Variants in SP7 observed in about 807,000 individuals in gnomAD.
SP7 encodes Sp7 transcription factor.
In SP7, 13 loss-of-function variants were observed where a neutral mutation model predicts 27.9. That is an observed-to-expected ratio of 0.47 (90% CI 0.30 to 0.74). The LOEUF (loss-of-function observed/expected upper bound fraction) is 0.74, where lower values mean the gene tolerates loss of function less well. SP7 is among the 30% of genes least tolerant of loss of function. The pLI is 0.06. For synonymous variants in SP7, 219 were observed against 226.7 expected (o/e 0.97, Z 0.31); for missense variants, 525 against 558.0 (o/e 0.94, Z 0.60).
Position 53,328,572 on chromosome 12 carries a change from C to T in SP7, c.870G>A (p.Lys290=). The change falls in exon 3 of 3, where the codon AAG becomes AAA. Residue 290 remains lysine (K), a synonymous_variant. Coordinates refer to ENST00000536324, the MANE Select transcript of SP7 (RefSeq NM_001173467.3). This position sits in a 1 kb window ranked among gnomAD's most constrained non-coding sequence, Gnocchi z 5.1. The part of the protein sequence containing the change: ...RLGAAAAGLR[K]KPIHSCHIPG... The stretch of plus-strand genomic sequence containing the variant: ...GGATGTGGCAGCTGTGGATGGGCTT[C>T]TTCCGCAGCCCAGCCGCTGCTGCTC... 6.2e-7 allele frequency: 1 copy of T among 1,610,164 alleles called. No individual in the cohort carries two copies. The highest frequency in any genetic ancestry group is 2.2e-5 in the East Asian group (1 of 44,786).
intron 1 of SP7, among the ~76,000 whole-genome samples, chr12:53,341,853 G>A (rs962560041): frequency 6.6e-6 from 1 of 152,120 alleles, no homozygotes; most frequent in South Asian, 2.1e-4. Context: ...GAGGTCAGGA[G>A]ATCGAGACCA....
intron 2 of SP7, among the ~76,000 whole-genome samples, chr12:53,334,467 A>G (rs904196580): frequency 6.6e-6 from 1 of 151,714 alleles, no homozygotes; most frequent in Non-Finnish European, 1.5e-5. Context: ...CCATCTCACA[A>G]ACACACACCT....
chr12:53,329,329 G>A lies in SP7; in HGVS notation c.113C>T (p.Thr38Ile), dbSNP rs1272348064. ...CTTCTTTGTGCCTGCTTTGCCCAGAGTTGTTGAGTCCCGCAGAGGGCTAGA... is the reference window on the plus strand; with the variant it reads ...CTTCTTTGTGCCTGCTTTGCCCAGAATTGTTGAGTCCCGCAGAGGGCTAGA... ...GGSSPLRDST[T>I]LGKAGTKKPY... Residue 38 changes from threonine to isoleucine, a missense_variant, in exon 3 of 3, where the codon ACT (threonine) becomes ATT (isoleucine). By Grantham distance (89) the Thr-to-Ile change is moderately conservative. Transcript: ENST00000536324. The A allele has an allele frequency of 1.9e-6, 3 of 1,614,014 alleles. No homozygotes were observed. Among genetic ancestry groups the A allele is most frequent in the Non-Finnish European group, 2.5e-6 (3 of 1,179,900 alleles).
chr12:53,332,986 C>A (rs2136841864), intron 2 of SP7, among the ~76,000 whole-genome samples: 1 of 152,328 alleles, frequency 6.6e-6, no homozygotes, highest in African/African-American at 2.4e-5. Flanking sequence ...AGGGACCCCA[C>A]CCAGCTGTGG....
In SP7 at chr12:53,335,705, GGT is replaced by G; in HGVS notation, c.-47-14_-47-13del. 1 of 1,438,806 alleles carries G rather than the reference GGT, an allele frequency of 7.0e-7. No individual in the cohort carries two copies. The allele number at this position is 1,438,806 out of a possible 1,614,324, so 89.1% of individuals were successfully genotyped here. ...GCAGATGGAGAGAGCTGAGCCGGGG[GGT>G]GGGGGGGGTAGAGAGAGAAAAGGGA... On this transcript the variant is annotated splice_polypyrimidine_tract_variant and intron_variant, in intron 1 of 2. Coordinates refer to ENST00000536324, the MANE Select transcript of SP7 (RefSeq NM_001173467.3).
At chr12:53,343,958 G>A (rs565985148) in intron 1 of SP7, among the ~76,000 whole-genome samples, 2 of 152,266 alleles carry the variant, frequency 1.3e-5, no homozygotes, top group African/African-American at 4.8e-5. Flanking sequence ...TGAGACATGA[G>A]AATCTCTTGA....
chr12:53,343,849 A>G (rs1419646093), intron 1 of SP7, among the ~76,000 whole-genome samples: 1 of 152,106 alleles, frequency 6.6e-6, no homozygotes, highest in Non-Finnish European at 1.5e-5. Flanking sequence ...GTTTGAGACC[A>G]GCCTGGCCAA....
chr12:53,342,958 C>T (rs1040001772), intron 1 of SP7, among the ~76,000 whole-genome samples: 10 of 151,396 alleles, frequency 6.6e-5, no homozygotes, highest in Admixed American at 4.6e-4. Flanking sequence ...GACAGCATGA[C>T]TAAGTAAAGA....
Position 53,327,810 on chromosome 12 carries a change from C to T in SP7, c.*336G>A, listed in dbSNP as rs1346997712. ...TTGAGAAGCAGAAAGGGGTACATGTCAAGGAGTGAGATGGAGAAATAGTGT... is the reference window on the plus strand; with the variant it reads ...TTGAGAAGCAGAAAGGGGTACATGTTAAGGAGTGAGATGGAGAAATAGTGT... On this transcript the variant is annotated 3_prime_UTR_variant, in exon 3 of 3. Coordinates refer to ENST00000536324, the MANE Select transcript of SP7 (RefSeq NM_001173467.3). The T allele has an allele frequency of 3.1e-6, 1 of 320,188 alleles. No homozygotes were observed. The highest frequency in any genetic ancestry group is 5.7e-6 in the Non-Finnish European group (1 of 174,068). The allele number at this position is 320,188 out of a possible 1,614,324, so 19.8% of individuals were successfully genotyped here. A position where few individuals can be genotyped will look rare whatever the true frequency, so the allele number is the denominator to read the frequency against.
intron 1 of SP7, among the ~76,000 whole-genome samples, chr12:53,343,137 A>T (rs1253747716): frequency 3.3e-5 from 5 of 151,992 alleles, no homozygotes; most frequent in South Asian, 2.1e-4. Flanking sequence ...CTCTACAAAA[A>T]ATACAAAAAA....
intron 2 of SP7, among the ~76,000 whole-genome samples, chr12:53,332,278 G>A (rs1944714285): frequency 6.6e-6 from 1 of 152,208 alleles, no homozygotes; most frequent in Non-Finnish European, 1.5e-5. Flanking sequence ...GGGGAAGGAG[G>A]ACCTGAGAGG....
intron 1 of SP7, 180 bp from the exon 2 acceptor site, chr12:53,335,873 G>A (rs1381817292): frequency 7.4e-7 from 1 of 1,345,304 alleles, no homozygotes; most frequent in South Asian, 1.9e-5. Flanking sequence ...CAATGAGGAG[G>A]GCGAGAGAGG....
At chr12:53,334,542 C>T (rs1031202878) in intron 2 of SP7, among the ~76,000 whole-genome samples, 1 of 152,176 alleles carries the variant, frequency 6.6e-6, no homozygotes, top group African/African-American at 2.4e-5. Context: ...AGCTAGGGCA[C>T]TGGGAAGAGA....
chr12:53,342,835 A>T (rs1592539268), intron 1 of SP7, among the ~76,000 whole-genome samples: 4 of 151,028 alleles, frequency 2.6e-5, no homozygotes, highest in African/African-American at 9.7e-5. Flanking sequence ...TAAATAAATA[A>T]ATAATAAATA....
chr12:53,343,141 CAA>C (rs1270407240), intron 1 of SP7, among the ~76,000 whole-genome samples: 1 of 58,678 alleles, frequency 1.7e-5, no homozygotes. Context: ...ACAAAAAATA[CAA>C]AAAAAAAAAA....
chr12:53,327,968 G>A lies in SP7; in HGVS notation c.*178C>T, dbSNP rs1301348482. 2 of 605,032 alleles carry A rather than the reference G, an allele frequency of 3.3e-6. No individual in the cohort carries two copies. The highest frequency in any genetic ancestry group is 5.9e-5 in the East Asian group (2 of 33,880). The allele number at this position is 605,032 out of a possible 1,614,324, so 37.5% of individuals were successfully genotyped here. A position where few individuals can be genotyped will look rare whatever the true frequency, so the allele number is the denominator to read the frequency against. ...GCCAGTCTCATGGTGAAGAGAGAAG[G>A]TGAGCTGAGGAGGCATGCAAGGAGA... is the stretch of plus-strand genomic sequence containing the variant. On this transcript the variant is annotated 3_prime_UTR_variant, in exon 3 of 3. Transcript: ENST00000536324.
chr12:53,335,813 A>G, intron 1 of SP7, 120 bp from the exon 2 acceptor site: 1 of 1,416,868 alleles, frequency 7.1e-7, no homozygotes, highest in Non-Finnish European at 9.2e-7. Context: ...CTCTGTCTGT[A>G]GGGATCCACC....
At chr12:53,332,488 A>G (rs1388307179) in intron 2 of SP7, among the ~76,000 whole-genome samples, 1 of 152,046 alleles carries the variant, frequency 6.6e-6, no homozygotes, top group Non-Finnish European at 1.5e-5. Context: ...TGAGATGGGA[A>G]GCTCACTTGA....
chr12:53,335,992 G>T (rs1944766185), intron 1 of SP7, among the ~76,000 whole-genome samples, 154 bp downstream of exon 1: 1 of 152,058 alleles, frequency 6.6e-6, no homozygotes, highest in East Asian at 1.9e-4. Context: ...GAAGCAGGAA[G>T]AGGGGAGAGC....
Sources: gnomAD v4.1 joint callset for allele counts (sites outside exome capture counted in the v4.1 genomes callset) on GRCh38, gnomAD v4.1.1 for gene constraint, Gnocchi (gnomAD v3.1) non-coding constraint, MANE v1.5 for transcripts, NCBI Gene and HGNC (gene_info 2026-07-23, HGNC 2026-07-21) for gene names.